AFF3: variants seen among roughly 807,000 people sequenced by gnomAD.
The protein encoded by AFF3 is AF4/FMR2 family member 3.
AFF3 carries 32 observed loss-of-function variants against 129.7 expected under a neutral mutation model. That is an observed-to-expected ratio of 0.25 (90% CI 0.19 to 0.33). The LOEUF is 0.33. AFF3 is among the 10% of genes least tolerant of loss of function. AFF3 has a pLI of 1.00. For missense variants in AFF3, 1,373 were observed against 1,592.0 expected (o/e 0.86, Z 2.34); for synonymous variants, 644 against 635.4 (o/e 1.01, Z -0.20).
chr2:100,124,647 T>C (rs1573465658), intron 2 of AFF3, among the ~76,000 whole-genome samples: 1 of 130,212 alleles, frequency 7.7e-6, no homozygotes, highest in Non-Finnish European at 1.6e-5. Context: ...GGGCAGCCAG[T>C]ACAGGTGGAG....
rs530424755 is a variant in AFF3 at position 99,973,458 on chromosome 2, G to A, written c.873+33174C>T. Reference sequence around the variant, plus strand: ...CCTAAGTCAATTCAGAGTATTTCCCGAACATTTTTTACCCATAGATTCAGA... The same window carrying A: ...CCTAAGTCAATTCAGAGTATTTCCCAAACATTTTTTACCCATAGATTCAGA... On this transcript the variant is annotated intron_variant, in intron 7 of 24. Transcript: ENST00000672756. Among the ~76,000 whole-genome samples the A allele has an allele frequency of 3.8e-4, 58 of 152,224 alleles. 2 individuals are homozygous for A. Among genetic ancestry groups the A allele is most frequent in the Admixed American group, 2.8e-3 (43 of 15,294 alleles).
chr2:99,695,442 T>A (rs919754569), intron 11 of AFF3, among the ~76,000 whole-genome samples: 2 of 152,222 alleles, frequency 1.3e-5, no homozygotes, highest in Admixed American at 6.5e-5. Flanking sequence ...TGCTGGCTCC[T>A]ACATCTATGG....
At chr2:100,136,568 T>A (rs1231310836) in intron 1 of AFF3, among the ~76,000 whole-genome samples, 2 of 152,122 alleles carry the variant, frequency 1.3e-5, no homozygotes, top group African/African-American at 4.8e-5. Flanking sequence ...CATGTGGGAG[T>A]GTGTGTGCAC....
At chr2:99,672,176 TCTCACACACA>T (rs1185494347) in intron 12 of AFF3, among the ~76,000 whole-genome samples, 1,078 of 37,252 alleles carry the variant, frequency 0.029, 21 homozygotes, top group African/African-American at 0.097. Context: ...CCAGTTAGCT[TCTCACACACA>T]CACACACACA....
chr2:99,683,376 A>C (rs1674714775), intron 11 of AFF3, among the ~76,000 whole-genome samples: 1 of 152,230 alleles, frequency 6.6e-6, no homozygotes, highest in African/African-American at 2.4e-5. Flanking sequence ...CAGTATTCTA[A>C]CTGGAATTTT....
intron 1 of AFF3, among the ~76,000 whole-genome samples, 167 bp downstream of exon 1, chr2:100,142,317 G>A (rs964098286): frequency 1.3e-5 from 2 of 151,854 alleles, no homozygotes; most frequent in Admixed American, 1.3e-4. Flanking sequence ...GTTCACCAGG[G>A]CCTGGACCAT....
At chr2:99,644,949 C>T (rs1023087273) in intron 13 of AFF3, among the ~76,000 whole-genome samples, 8 of 152,142 alleles carry the variant, frequency 5.3e-5, no homozygotes, top group Admixed American at 1.3e-4. Flanking sequence ...AGAAAAAACA[C>T]GAGAGGCACA....
At chr2:100,103,941 G>A (rs2105490328) in intron 4 of AFF3, among the ~76,000 whole-genome samples, 1 of 151,640 alleles carries the variant, frequency 6.6e-6, no homozygotes, top group African/African-American at 2.4e-5. Context: ...GGGCGCAGGC[G>A]GGGAGGCTGG....
intron 11 of AFF3, among the ~76,000 whole-genome samples, chr2:99,710,331 G>A: frequency 6.6e-6 from 1 of 152,108 alleles, no homozygotes; most frequent in East Asian, 1.9e-4. Flanking sequence ...TTGGGTCATT[G>A]CAACCTCTGC....
At chr2:99,807,052 C>T (rs1354286150) in intron 8 of AFF3, among the ~76,000 whole-genome samples, 1 of 152,188 alleles carries the variant, frequency 6.6e-6, no homozygotes, top group African/African-American at 2.4e-5. Context: ...CCCCCACATT[C>T]CCTGTGTTGC....
At chr2:99,796,918 G>C (rs187959025) in intron 8 of AFF3, among the ~76,000 whole-genome samples, 1 of 152,246 alleles carries the variant, frequency 6.6e-6, no homozygotes. Flanking sequence ...ATTAGCCATA[G>C]ACTAAATGAT....
At chr2:100,124,126 C>T (rs933576657) in intron 2 of AFF3, among the ~76,000 whole-genome samples, 1 of 152,254 alleles carries the variant, frequency 6.6e-6, no homozygotes, top group African/African-American at 2.4e-5. Context: ...AACTCTCTTT[C>T]CTCTCTCAGA....
In AFF3 at chr2:100,082,892, C is replaced by G. The variant is rs563891950; in HGVS notation, c.53+21510G>C. Among the ~76,000 whole-genome samples, 14 of 152,198 alleles carry G rather than the reference C, an allele frequency of 9.2e-5. No individual in the cohort carries two copies. The South Asian group carries it at 2.3e-3, about 25-fold the overall frequency. On this transcript the variant is annotated intron_variant, in intron 4 of 24. Transcript: ENST00000672756. ...GGTTGAGAGTTCAAGACCAGCCTGA[C>G]CAACATGGAAAAACCCCATCTCTAC...
At chr2:100,070,948 T>C (rs1688136227) in intron 4 of AFF3, among the ~76,000 whole-genome samples, 1 of 152,236 alleles carries the variant, frequency 6.6e-6, no homozygotes, top group Non-Finnish European at 1.5e-5. Flanking sequence ...GAGATTTTTC[T>C]TATAATAGGA....
At chr2:99,681,967 T>C (rs547065332) in intron 11 of AFF3, among the ~76,000 whole-genome samples, 1 of 149,250 alleles carries the variant, frequency 6.7e-6, no homozygotes, top group East Asian at 2.0e-4. Flanking sequence ...AGTGCAATGG[T>C]GCATCTTGGC....
intron 7 of AFF3, among the ~76,000 whole-genome samples, chr2:99,931,496 G>A (rs1696669436): frequency 6.6e-6 from 1 of 152,214 alleles, no homozygotes; most frequent in African/African-American, 2.4e-5. Flanking sequence ...CTGGTGTTGA[G>A]GTGTTGGAAG....
intron 18 of AFF3, among the ~76,000 whole-genome samples, chr2:99,571,938 T>G (rs1676510192): frequency 6.6e-6 from 1 of 152,212 alleles, no homozygotes; most frequent in African/African-American, 2.4e-5. Flanking sequence ...GCAAAGGTAC[T>G]AAAATGAGAT....
chr2:99,607,359 C>T (rs866700361), intron 13 of AFF3, among the ~76,000 whole-genome samples: 3 of 151,954 alleles, frequency 2.0e-5, no homozygotes, highest in Admixed American at 6.6e-5. Context: ...AGTAAAACCC[C>T]GTCTCTACTA....
chr2:99,556,437 G>A (rs965551208), intron 22 of AFF3, among the ~76,000 whole-genome samples: 4 of 151,804 alleles, frequency 2.6e-5, no homozygotes, highest in Admixed American at 6.6e-5. Context: ...GCGAGACTCC[G>A]TCTCAAAAAA....
Sources: gnomAD v4.1 joint callset for allele counts (sites outside exome capture counted in the v4.1 genomes callset) on GRCh38, gnomAD v4.1.1 for gene constraint, MANE v1.5 for transcripts, NCBI Gene and HGNC (gene_info 2026-07-23, HGNC 2026-07-21) for gene names.